Variants in RIF1 observed in about 807,000 individuals in gnomAD.
The protein encoded by RIF1 is telomere-associated protein RIF1.
In RIF1, 45 loss-of-function variants were observed where a neutral mutation model predicts 247.1. That is an observed-to-expected ratio of 0.18 (90% CI 0.14 to 0.23). RIF1 has a LOEUF of 0.23. Among genes scored for constraint, RIF1 ranks in the 10% least tolerant of loss-of-function variants. The pLI is 1.00. For missense variants in RIF1, 2,967 were observed against 2,862.5 expected, an observed-to-expected ratio of 1.04 and a Z score of -0.83; for synonymous variants, 1,087 against 978.8, an observed-to-expected ratio of 1.11 and a Z score of -2.06.
chr2:151,443,481 T>C (rs1164291798), intron 17 of RIF1, 48 bp from the exon 18 acceptor site: 20 of 1,473,826 alleles, frequency 1.4e-5, no homozygotes, highest in Non-Finnish European at 1.8e-5. Flanking sequence ...ATTAAATTAA[T>C]ATATTCCTGC....
intron 34 of RIF1, among the ~76,000 whole-genome samples, chr2:151,473,038 T>C (rs1242272240): frequency 6.6e-6 from 1 of 152,148 alleles, no homozygotes; most frequent in African/African-American, 2.4e-5. Flanking sequence ...ATTATATGTA[T>C]ATACCACATT....
chr2:151,417,310 A>T lies in RIF1; in HGVS notation c.503+409A>T, dbSNP rs143180207. 1.4e-3 allele frequency among the ~76,000 whole-genome samples: 207 copies of T among 152,106 alleles called. 2 individuals are homozygous for T. Among genetic ancestry groups the T allele is most frequent in the African/African-American group, 4.8e-3 (201 of 41,500 alleles). The stretch of plus-strand genomic sequence containing the variant: ...TTGTAACAGGCATGCCAACGCATAA[A>T]CTCTTTTAAGTGTAAACTCTTTGAT... On this transcript the variant is annotated intron_variant, in intron 6 of 35. Transcript: ENST00000444746.
In RIF1 at chr2:151,479,805, G is replaced by T. The variant is rs1394524750; in HGVS notation, c.*4734G>T. 3.9e-5 allele frequency: 6 copies of T among 152,110 alleles called. No individual in the cohort carries two copies. Among genetic ancestry groups the T allele is most frequent in the Non-Finnish European group, 8.8e-5 (6 of 68,010 alleles). The allele number at this position is 152,110 out of a possible 1,614,324, so 9.4% of individuals were successfully genotyped here. A position where few individuals can be genotyped will look rare whatever the true frequency, so the allele number is the denominator to read the frequency against. On this transcript the variant is annotated 3_prime_UTR_variant, in exon 36 of 36. Coordinates refer to ENST00000444746, the MANE Select transcript of RIF1 (RefSeq NM_018151.5). ...CTACCCTGAAAGCACTAAGGAAAAT[G>T]TAGCCGAAAGTTAAGTAATAGGTTT...
the RIF1 span, chr2:151,524,378 T>C: frequency 1.9e-6 from 3 of 1,613,880 alleles, no homozygotes; most frequent in Non-Finnish European, 2.5e-6. Context: ...GCTTAAGCCA[T>C]GGCTGCCTTC....
chr2:151,443,627 A>G lies in RIF1; in HGVS notation c.1904A>G (p.Asn635Ser). The G allele has an allele frequency of 6.2e-7, 1 of 1,612,446 alleles. No homozygotes were observed. The highest frequency in any genetic ancestry group is 8.5e-7 in the Non-Finnish European group (1 of 1,179,504). Reference sequence around the variant, plus strand: ...TCAGTTTTAAATGTTATTAATCAAAATGCAAAGCAGTTGGAAAATAAGGAG... The same window carrying G: ...TCAGTTTTAAATGTTATTAATCAAAGTGCAAAGCAGTTGGAAAATAAGGAG... The part of the protein sequence containing the change: ...SDSVLNVINQ[N>S]AKQLENKEHL... The change falls in exon 18 of 36, where the codon AAT (asparagine) becomes AGT (serine). Residue 635 changes from asparagine to serine, a missense_variant. Asn to Ser is a conservative substitution (Grantham distance 46). Transcript: ENST00000444746.
rs1274986192 is a variant in RIF1 at position 151,464,920 on chromosome 2, CAAA to C, written c.5401_5403del (p.Lys1801del). 1.3e-6 allele frequency: 2 copies of C among 1,577,524 alleles called. No individual in the cohort carries two copies. Among genetic ancestry groups the C allele is most frequent in the South Asian group, 1.2e-5 (1 of 83,640 alleles). On this transcript the variant is annotated inframe_deletion, in exon 30 of 36. Coordinates refer to ENST00000444746, the MANE Select transcript of RIF1 (RefSeq NM_018151.5). ...ATAGTGTGAATTTTCATTTGGGTCT[CAAA>C]GAGGATAATGATACTATTAATGATT... is the stretch of plus-strand genomic sequence containing the variant.
At chr2:151,426,304 A>G (rs1186654615) in intron 8 of RIF1, among the ~76,000 whole-genome samples, 1 of 147,448 alleles carries the variant, frequency 6.8e-6, no homozygotes, top group African/African-American at 2.5e-5. Flanking sequence ...CCTCCCGAGT[A>G]GCTGAGACTG....
At chr2:151,532,023 A>G in the RIF1 span, 14 of 620,426 alleles carry the variant, frequency 2.3e-5, no homozygotes, top group African/African-American at 2.4e-4. Flanking sequence ...CTAACTGGAA[A>G]TGTTTACTAT....
intron 15 of RIF1, among the ~76,000 whole-genome samples, chr2:151,440,823 A>G (rs1692156506): frequency 6.6e-6 from 1 of 152,224 alleles, no homozygotes; most frequent in Admixed American, 6.5e-5. Context: ...GAGGGAATGT[A>G]GCAGTAGTTA....
chr2:151,499,367 T>G lies in RIF1; in HGVS notation c.*536T>G, dbSNP rs1303920273. 6.5e-7 allele frequency: 1 copy of G among 1,544,946 alleles called. No homozygotes were observed. ...GAGTGATGGGGATTGGAATCCCTTT[T>G]CCAACGTTTTCTTTATACAACACCT... On this transcript the variant is annotated 3_prime_UTR_variant and NMD_transcript_variant, in exon 11 of 14. Coordinates refer to the RIF1 transcript ENST00000454583.
At chr2:151,454,670 G>A (rs1204254819) in intron 21 of RIF1, among the ~76,000 whole-genome samples, 6 of 152,034 alleles carry the variant, frequency 3.9e-5, no homozygotes, top group African/African-American at 7.2e-5. Context: ...TTCATGATCC[G>A]CCAAGTAGTT....
At chr2:151,430,017 A>G (rs1573941535) in intron 9 of RIF1, among the ~76,000 whole-genome samples, 2 of 151,846 alleles carry the variant, frequency 1.3e-5, no homozygotes, top group South Asian at 4.2e-4. Context: ...GCATTAATGT[A>G]TAATAACTTT....
intron 12 of RIF1, among the ~76,000 whole-genome samples, chr2:151,504,220 C>G (rs1044478402): frequency 1.3e-5 from 2 of 152,036 alleles, no homozygotes; most frequent in Non-Finnish European, 2.9e-5. Flanking sequence ...AGCAACGTAC[C>G]CAGATTTTAA....
chr2:151,498,914 T>G (rs2153007751), intron 10 of RIF1, among the ~76,000 whole-genome samples: 1 of 150,448 alleles, frequency 6.6e-6, no homozygotes, highest in Non-Finnish European at 1.5e-5. Flanking sequence ...CTTCAAAATA[T>G]CTGTACAAAT....
intron 27 of RIF1, 71 bp downstream of exon 27, chr2:151,461,360 CT>C (rs1294411994): frequency 8.7e-6 from 12 of 1,382,322 alleles, no homozygotes; most frequent in Middle Eastern, 3.7e-4. Context: ...AAAAGTGTAA[CT>C]TTGTGTTTAG....
At position 151,476,278 on chromosome 2, in the gene RIF1, A is replaced by T. The variant is rs921135296; in HGVS notation, c.*1207A>T. ...CAAACTTGGAAGAAATTTGAAACTG[A>T]TGTTTTTAATATATGTCTGTGTTGC... On this transcript the variant is annotated 3_prime_UTR_variant, in exon 36 of 36. Coordinates refer to ENST00000444746, the MANE Select transcript of RIF1 (RefSeq NM_018151.5). 2.6e-5 allele frequency: 4 copies of T among 152,322 alleles called. No individual in the cohort carries two copies. Among genetic ancestry groups the T allele is most frequent in the Non-Finnish European group, 5.9e-5 (4 of 68,014 alleles). The allele number at this position is 152,322 out of a possible 1,614,324, so 9.4% of individuals were successfully genotyped here. A position where few individuals can be genotyped will look rare whatever the true frequency, so the allele number is the denominator to read the frequency against.
Position 151,415,581 on chromosome 2 carries a change from A to AAAAAAT in RIF1, c.280+666_280+667insATAAAA, listed in dbSNP as rs1687070036. On this transcript the variant is annotated intron_variant, in intron 4 of 35. Transcript: ENST00000444746. ...TCTGTCTCAAAAAAAAAAAAAAAAAAAAAAGGATATTGCTGGGTGCAGTGT... is the reference window on the plus strand; with the variant it reads ...TCTGTCTCAAAAAAAAAAAAAAAAAAAAAAATAAAAGGATATTGCTGGGTGCAGTGT... Among the ~76,000 whole-genome samples the AAAAAAT allele has an allele frequency of 1.9e-4, 3 of 15,940 alleles. No homozygotes were observed. In the East Asian group the frequency reaches 0.25, roughly 1,328 times the overall value. The allele number at this position is 15,940 out of a possible 152,430, so 10.5% of individuals were successfully genotyped here. A position where few individuals can be genotyped will look rare whatever the true frequency, so the allele number is the denominator to read the frequency against.
intron 9 of RIF1, among the ~76,000 whole-genome samples, chr2:151,487,177 G>A (rs757028005): frequency 4.6e-5 from 7 of 152,204 alleles, no homozygotes; most frequent in East Asian, 1.9e-4. Flanking sequence ...TTGAAAACCC[G>A]TAGCACTATT....
At position 151,464,257 on chromosome 2, in the gene RIF1, T is replaced by G. The variant is rs1696593519; in HGVS notation, c.4737T>G (p.Ser1579Arg). Residue 1579 changes from serine to arginine, a missense_variant, in exon 30 of 36, where the codon AGT becomes AGG. By Grantham distance (110) the Ser-to-Arg change is moderately radical (BLOSUM62 -1). Coordinates refer to ENST00000444746, the MANE Select transcript of RIF1 (RefSeq NM_018151.5). The part of the protein sequence containing the change: ...SGKWKNKSNE[S>R]VDIQDQEEKV... Reference sequence around the variant, plus strand: ...AATGGAAAAACAAAAGCAATGAAAGTGTTGACATTCAAGATCAAGAAGAGA... The same window carrying G: ...AATGGAAAAACAAAAGCAATGAAAGGGTTGACATTCAAGATCAAGAAGAGA... The G allele has an allele frequency of 1.2e-6, 2 of 1,613,802 alleles. No homozygotes were observed. Among genetic ancestry groups the G allele is most frequent in the East Asian group, 4.5e-5 (2 of 44,862 alleles).
Sources: allele counts gnomAD v4.1 joint callset (sites outside exome capture counted in the v4.1 genomes callset), GRCh38; gene constraint gnomAD v4.1.1; transcripts MANE v1.5; gene names NCBI Gene and HGNC (gene_info 2026-07-23, HGNC 2026-07-21).